Variants in CAPZB observed in about 807,000 individuals in gnomAD.
CAPZB encodes the protein capping actin protein of muscle Z-line subunit beta.
CAPZB carries 2 observed loss-of-function variants against 38.1 expected under a neutral mutation model. The ratio of observed to expected loss-of-function variants is 0.05; its 90% CI spans 0.02 to 0.17. The LOEUF (loss-of-function observed/expected upper bound fraction) is 0.17, where lower values mean the gene tolerates loss of function less well. Ranked by LOEUF, CAPZB falls within the 10% of genes least tolerant of loss-of-function variation. The pLI is 1.00. For missense variants in CAPZB, 161 were observed against 334.2 expected, an observed-to-expected ratio of 0.48 and a Z score of 4.04; for synonymous variants, 107 against 127.4, an observed-to-expected ratio of 0.84 and a Z score of 1.08.
chr1:19,366,506 T>A (rs568062885), intron 4 of CAPZB, among the ~76,000 whole-genome samples: 3 of 151,368 alleles, frequency 2.0e-5, no homozygotes, highest in South Asian at 2.1e-4. Flanking sequence ...CTGGCCAGCA[T>A]GGTGAATCCC....
intron 1 of CAPZB, among the ~76,000 whole-genome samples, chr1:19,452,265 C>A (rs1445156036): frequency 6.6e-6 from 1 of 152,088 alleles, no homozygotes; most frequent in Non-Finnish European, 1.5e-5. Flanking sequence ...CAAGCCTGCT[C>A]CCCCGCAACG....
chr1:19,415,882 C>A (rs72965256), intron 2 of CAPZB, among the ~76,000 whole-genome samples: 2 of 152,228 alleles, frequency 1.3e-5, no homozygotes. Context: ...ATTACCAGAT[C>A]CTAATTTGTT....
At chr1:19,423,868 G>A (rs1240022860) in intron 1 of CAPZB, among the ~76,000 whole-genome samples, 1 of 152,128 alleles carries the variant, frequency 6.6e-6, no homozygotes, top group Admixed American at 6.5e-5. Flanking sequence ...GTAGAGATGG[G>A]GTTTCACCAT....
At chr1:19,376,833 C>T (rs999424859) in intron 4 of CAPZB, among the ~76,000 whole-genome samples, 6 of 152,180 alleles carry the variant, frequency 3.9e-5, no homozygotes, top group African/African-American at 1.4e-4. Flanking sequence ...GTAAATAAAT[C>T]GATGTTGGAC....
chr1:19,484,145 A>AACACC (rs1238985031), intron 1 of CAPZB: 2 of 1,585,612 alleles, frequency 1.3e-6, no homozygotes, highest in African/African-American at 2.7e-5. Flanking sequence ...TACCAAAACA[A>AACACC]ACACCACGAG....
At chr1:19,395,939 A>T (rs555654806) in intron 2 of CAPZB, among the ~76,000 whole-genome samples, 95 of 152,358 alleles carry the variant, frequency 6.2e-4, no homozygotes, top group African/African-American at 2.2e-3. Flanking sequence ...TAAGGAGCAC[A>T]GGGAGGCTCC....
chr1:19,455,740 CAA>C (rs2094531083), intron 1 of CAPZB, among the ~76,000 whole-genome samples: 1 of 152,288 alleles, frequency 6.6e-6, no homozygotes, highest in Admixed American at 6.5e-5. Context: ...CAGGTCCTTC[CAA>C]AAGAGCTGGC....
intron 1 of CAPZB, among the ~76,000 whole-genome samples, chr1:19,436,209 G>A (rs1024096454): frequency 3.3e-5 from 5 of 152,176 alleles, no homozygotes; most frequent in African/African-American, 1.2e-4. Flanking sequence ...GCCGTTCTGC[G>A]TGATGAAATC....
At chr1:19,375,051 G>A (rs1333142545) in intron 4 of CAPZB, among the ~76,000 whole-genome samples, 5 of 152,174 alleles carry the variant, frequency 3.3e-5, no homozygotes, top group Non-Finnish European at 7.4e-5. Flanking sequence ...CCAAAGCCAC[G>A]GGGAAAAGAG....
At chr1:19,434,547 A>G (rs2094451972) in intron 1 of CAPZB, among the ~76,000 whole-genome samples, 1 of 77,060 alleles carries the variant, frequency 1.3e-5, no homozygotes. Flanking sequence ...CAACAGAGTA[A>G]GCCTTTTTTT....
intron 6 of CAPZB, among the ~76,000 whole-genome samples, chr1:19,354,997 T>A (rs2094012422): frequency 6.6e-6 from 1 of 152,164 alleles, no homozygotes; most frequent in South Asian, 2.1e-4. Flanking sequence ...GGGATGGGAC[T>A]GTGACATCCC....
At chr1:19,416,655 A>T (rs1367279944) in intron 2 of CAPZB, among the ~76,000 whole-genome samples, 1 of 152,090 alleles carries the variant, frequency 6.6e-6, no homozygotes, top group African/African-American at 2.4e-5. Context: ...GTTCGAGACC[A>T]GCCTGGGCAA....
intron 1 of CAPZB, among the ~76,000 whole-genome samples, chr1:19,435,054 A>G (rs2094454101): frequency 1.0e-5 from 1 of 96,602 alleles, no homozygotes; most frequent in Non-Finnish European, 2.5e-5. Context: ...GCACACTCTC[A>G]CTTATGTAAG....
At chr1:19,467,631 G>T (rs942252513) in intron 1 of CAPZB, among the ~76,000 whole-genome samples, 63 of 152,158 alleles carry the variant, frequency 4.1e-4, no homozygotes, top group African/African-American at 1.5e-3. Context: ...TGTGGGACAG[G>T]TATCAGCTCA....
intron 1 of CAPZB, among the ~76,000 whole-genome samples, chr1:19,456,982 A>G (rs1044856322): frequency 4.6e-5 from 7 of 152,222 alleles, no homozygotes; most frequent in African/African-American, 1.4e-4. Context: ...CCAGCATTCC[A>G]AACTATTACT....
intron 1 of CAPZB, among the ~76,000 whole-genome samples, chr1:19,471,505 T>C (rs2094586798): frequency 6.6e-6 from 1 of 152,130 alleles, no homozygotes. Context: ...GTTCTGACAA[T>C]CAGTCACGTG....
chr1:19,451,521 C>T (rs903261476), intron 1 of CAPZB, among the ~76,000 whole-genome samples: 4 of 152,112 alleles, frequency 2.6e-5, no homozygotes, highest in Non-Finnish European at 4.4e-5. Context: ...TACCACCCTA[C>T]AGGCACGTGT....
chr1:19,358,223 C>T lies in CAPZB; in HGVS notation c.330-660G>A, dbSNP rs939170614. On this transcript the variant is annotated intron_variant, in intron 4 of 8. Transcript: ENST00000264202. ...CACCATCTCGGCTCACTGCAACCTC[C>T]GCCTCCCAGGTTCAAACGATTCTCC... Among the ~76,000 whole-genome samples the T allele has an allele frequency of 1.1e-4, 16 of 152,318 alleles. No individual in the cohort carries two copies. In the East Asian group the frequency reaches 2.7e-3, roughly 26 times the overall value.
chr1:19,476,889 C>A (rs1385224640), intron 1 of CAPZB, among the ~76,000 whole-genome samples: 1 of 152,234 alleles, frequency 6.6e-6, no homozygotes, highest in Non-Finnish European at 1.5e-5. Context: ...AAATAAACAT[C>A]CCCATGGGCT....
Sources: gnomAD v4.1 joint callset for allele counts (sites outside exome capture counted in the v4.1 genomes callset) on GRCh38, gnomAD v4.1.1 for gene constraint, MANE v1.5 for transcripts, NCBI Gene and HGNC (gene_info 2026-07-23, HGNC 2026-07-21) for gene names.